CD300LG: variants seen among roughly 807,000 people sequenced by gnomAD.
CD300LG encodes CMRF35-like molecule 9.
In CD300LG, 29 loss-of-function variants were observed where a neutral mutation model predicts 31.5. That is an observed-to-expected ratio of 0.92 (90% confidence interval 0.68 to 1.25). The LOEUF (loss-of-function observed/expected upper bound fraction) is 1.25. Among genes scored for constraint, CD300LG ranks in the 50% most tolerant of loss-of-function variants. CD300LG has a pLI of 0.00. For missense variants in CD300LG, 396 were observed against 417.6 expected (o/e 0.95, Z 0.45); for synonymous variants, 175 against 177.2 (o/e 0.99, Z 0.10).
rs367591100 is a variant in CD300LG at position 43,855,282 on chromosome 17, C to T, written c.795C>T (p.Ile265=). The change falls in exon 5 of 7, where the codon ATC becomes ATT. Residue 265 remains isoleucine, a synonymous_variant. Transcript: ENST00000317310. The part of the protein sequence containing the change: ...LLSLLSAAGL[I]AFCSHLLLWR... ...GCCTTCTGTCAGCCGCAGGCCTGAT[C>T]GCCTTCTGCAGCCACCTGCTCCTGT... 16 of 1,604,024 alleles carry T rather than the reference C, an allele frequency of 1.0e-5. No individual in the cohort carries two copies. In the Middle Eastern group the frequency reaches 5.1e-4, roughly 51 times the overall value.
chr17:43,855,108 T>G (rs1052288850), intron 4 of CD300LG, 99 bp from the exon 5 acceptor site: 9 of 314,004 alleles, frequency 2.9e-5, no homozygotes, highest in Non-Finnish European at 4.6e-5. Context: ...GATTCCACAC[T>G]AGGGATTGGC....
Position 43,855,194 on chromosome 17 carries a change from G to A in CD300LG, c.720-13G>A, listed in dbSNP as rs373314687. The A allele has an allele frequency of 1.4e-5, 22 of 1,579,364 alleles. No individual in the cohort carries two copies. The highest frequency in any genetic ancestry group is 6.8e-5 in the East Asian group (3 of 43,804). ...TGGTAACAGCCACTAGGCTCCTTGCGTCTCGTCTCCAGGGTGTCCATCCCG... is the reference window on the plus strand; with the variant it reads ...TGGTAACAGCCACTAGGCTCCTTGCATCTCGTCTCCAGGGTGTCCATCCCG... On this transcript the variant is annotated splice_polypyrimidine_tract_variant and intron_variant, in intron 4 of 6. Transcript: ENST00000317310.
At chr17:43,853,459 G>C (rs543380180) in intron 3 of CD300LG, among the ~76,000 whole-genome samples, 2 of 152,132 alleles carry the variant, frequency 1.3e-5, no homozygotes, top group Non-Finnish European at 2.9e-5. Context: ...GGTGACAATT[G>C]ACTGGGACTG....
intron 2 of CD300LG, 91 bp downstream of exon 2, chr17:43,848,984 A>G (rs2046270425): frequency 1.8e-6 from 2 of 1,137,412 alleles, no homozygotes; most frequent in Non-Finnish European, 2.6e-6. Flanking sequence ...TACCAACATT[A>G]TGGGCACTGA....
chr17:43,847,604 A>G (rs1330338731), intron 1 of CD300LG, among the ~76,000 whole-genome samples: 1 of 152,176 alleles, frequency 6.6e-6, no homozygotes, highest in Non-Finnish European at 1.5e-5. Context: ...CTCAGCAAAT[A>G]TTTGTTGAAT....
chr17:43,849,971 A>G, intron 2 of CD300LG: 1 of 152,156 alleles, frequency 6.6e-6, no homozygotes, highest in East Asian at 1.9e-4. Context: ...ATCTCTTCCA[A>G]TTCTTATCAG....
At chr17:43,858,047 C>G (rs2046575511) in intron 6 of CD300LG, 1 of 1,436,740 alleles carries the variant, frequency 7.0e-7, no homozygotes, top group African/African-American at 1.4e-5. Context: ...GGCCCCTCCT[C>G]CCTCTGCTGT....
intron 2 of CD300LG, among the ~76,000 whole-genome samples, chr17:43,851,756 C>T (rs189564385): frequency 1.1e-3 from 158 of 149,356 alleles, no homozygotes; most frequent in African/African-American, 3.8e-3. Flanking sequence ...CAGGGTTTCA[C>T]GTGTTAGCCA....
In CD300LG at chr17:43,848,819, C is replaced by G. The variant is rs1159928263; in HGVS notation, c.305C>G (p.Ala102Gly). The G allele has an allele frequency of 6.2e-7, 1 of 1,614,006 alleles. No homozygotes were observed. Among genetic ancestry groups the G allele is most frequent in the Admixed American group, 1.7e-5 (1 of 60,012 alleles). The change falls in exon 2 of 7, where the codon GCT (alanine) becomes GGT (glycine). Residue 102 changes from alanine (A) to glycine (G), a missense_variant. By Grantham distance (60) the Ala-to-Gly change is moderately conservative. Coordinates refer to ENST00000317310, the MANE Select transcript of CD300LG (RefSeq NM_145273.4). ...VTLWNLTLQD[A>G]GEYWCGVEKR... ...CTGTGGAACCTCACCCTGCAAGACG[C>G]TGGGGAGTACTGGTGTGGGGTCGAA...
rs2046482884 is a variant in CD300LG, at chr17:43,855,249, G to A, written c.762G>A (p.Val254=). The A allele has an allele frequency of 6.2e-7, 1 of 1,610,372 alleles. No individual in the cohort carries two copies. The part of the protein sequence containing the change: ...PMVRILAPVL[V]LLSLLSAAGL... ...TCCGCATACTGGCCCCAGTCCTGGT[G>A]CTGCTGAGCCTTCTGTCAGCCGCAG... Residue 254 remains valine, a synonymous_variant, in exon 5 of 7, where the codon GTG becomes GTA. Transcript: ENST00000317310.
intron 6 of CD300LG, chr17:43,861,097 C>T (rs1782117386): frequency 1.0e-6 from 1 of 985,202 alleles, no homozygotes; most frequent in Admixed American, 6.2e-5. Context: ...ATCCCTGCTG[C>T]CAAGAACAGG....
At chr17:43,861,415 C>G (rs2046651425) in intron 6 of CD300LG, among the ~76,000 whole-genome samples, 2 of 152,234 alleles carry the variant, frequency 1.3e-5, no homozygotes, top group Admixed American at 6.5e-5. Context: ...AGCCATAGGC[C>G]TAGCCCATTT....
At chr17:43,857,726 G>T in intron 6 of CD300LG, 1 of 1,483,794 alleles carries the variant, frequency 6.7e-7, no homozygotes, top group Non-Finnish European at 9.1e-7. Flanking sequence ...TGGTCACACA[G>T]CAGGTGGTGG....
chr17:43,853,375 T>C (rs2046416025), intron 3 of CD300LG, among the ~76,000 whole-genome samples: 2 of 152,088 alleles, frequency 1.3e-5, no homozygotes, highest in South Asian at 4.1e-4. Context: ...AGTCAAGGCC[T>C]TACTGAGGCA....
chr17:43,849,969 C>T (rs568073410), intron 2 of CD300LG: 4 of 152,298 alleles, frequency 2.6e-5, no homozygotes, highest in Admixed American at 6.5e-5. Context: ...TTATCTCTTC[C>T]AATTCTTATC....
chr17:43,852,113 A>G (rs914998786), intron 2 of CD300LG, among the ~76,000 whole-genome samples: 4 of 152,140 alleles, frequency 2.6e-5, no homozygotes, highest in Non-Finnish European at 4.4e-5. Context: ...TTAGTCGGGA[A>G]TAGAGGATGA....
chr17:43,852,207 CTT>C (rs761143811), intron 2 of CD300LG, among the ~76,000 whole-genome samples: 27 of 138,670 alleles, frequency 1.9e-4, no homozygotes, highest in Admixed American at 2.9e-4. Flanking sequence ...TTGTTCTTTG[CTT>C]TTTTTTTTTT....
intron 6 of CD300LG, chr17:43,858,719 G>A (rs539051986): frequency 1.0e-6 from 1 of 985,306 alleles, no homozygotes; most frequent in African/African-American, 1.7e-5. Context: ...AGCAGAGTCT[G>A]GAGATGGAAT....
rs541264631 is a variant in CD300LG, at chr17:43,847,422, C to T, written c.43+163C>T. On this transcript the variant is annotated intron_variant, in intron 1 of 6. Coordinates refer to ENST00000317310, the MANE Select transcript of CD300LG (RefSeq NM_145273.4). ...GGGTGGGGGGAGGTGGGGGTGGCGC[C>T]GGGGCCGCACTTGCTGTTTCTGGAA... 3.3e-5 allele frequency among the ~76,000 whole-genome samples: 5 copies of T among 152,266 alleles called. No individual in the cohort carries two copies. In the East Asian group the frequency reaches 5.8e-4, roughly 18 times the overall value.
Sources: allele counts gnomAD v4.1 joint callset (sites outside exome capture counted in the v4.1 genomes callset), GRCh38; gene constraint gnomAD v4.1.1; transcripts MANE v1.5; gene names NCBI Gene and HGNC (gene_info 2026-07-23, HGNC 2026-07-21).